NRXN3: variants seen among roughly 807,000 people sequenced by gnomAD.
NRXN3 encodes neurexin III.
In NRXN3, 32 loss-of-function variants were observed where a neutral mutation model predicts 137.6. The observed-to-expected ratio is 0.23, with a 90% CI of 0.18 to 0.31. NRXN3 has a LOEUF of 0.31. NRXN3 is among the 10% of genes least tolerant of loss of function. NRXN3 has a pLI of 1.00. For synonymous variants in NRXN3, 798 were observed against 784.5 expected (o/e 1.02, Z -0.29); for missense variants, 1,574 against 2,062.5 (o/e 0.76, Z 4.59).
chr14:78,428,159 A>C (rs959864277), intron 4 of NRXN3, among the ~76,000 whole-genome samples: 1 of 152,268 alleles, frequency 6.6e-6, no homozygotes, highest in Non-Finnish European at 1.5e-5. Flanking sequence ...CATGTAGTTG[A>C]GACTTAAGAA....
At chr14:79,200,372 C>G (rs768064896) in intron 15 of NRXN3, among the ~76,000 whole-genome samples, 1 of 151,958 alleles carries the variant, frequency 6.6e-6, no homozygotes, top group Non-Finnish European at 1.5e-5. Flanking sequence ...GAGAGTATAC[C>G]GGGGAAGCAA....
At chr14:78,850,558 A>C (rs77120516) in intron 10 of NRXN3, among the ~76,000 whole-genome samples, 6,209 of 152,244 alleles carry the variant, frequency 0.041, 234 homozygotes, top group East Asian at 0.13. Context: ...GAATATTCTT[A>C]TTAAAACCAG....
intron 15 of NRXN3, among the ~76,000 whole-genome samples, chr14:79,113,599 A>C (rs757215988): frequency 3.3e-5 from 5 of 152,138 alleles, no homozygotes; most frequent in Middle Eastern, 6.8e-3. Context: ...TTCATTCTCT[A>C]CCTCTACTTC....
At chr14:79,800,289 G>C (rs1021120687) in intron 19 of NRXN3, among the ~76,000 whole-genome samples, 1 of 152,188 alleles carries the variant, frequency 6.6e-6, no homozygotes, top group Admixed American at 6.5e-5. Context: ...CTGGAGGAGC[G>C]TGGATGGTGG....
At chr14:79,250,130 AAGAT>A (rs1397161749) in intron 15 of NRXN3, among the ~76,000 whole-genome samples, 1 of 152,204 alleles carries the variant, frequency 6.6e-6, no homozygotes, top group Non-Finnish European at 1.5e-5. Flanking sequence ...TTTATTTTAA[AAGAT>A]AGAGGAATTC....
At chr14:78,553,468 G>C (rs2096711166) in intron 4 of NRXN3, among the ~76,000 whole-genome samples, 1 of 152,140 alleles carries the variant, frequency 6.6e-6, no homozygotes, top group Admixed American at 6.5e-5. Context: ...CCACACCTTA[G>C]CTTCCAAAGC....
intron 4 of NRXN3, among the ~76,000 whole-genome samples, chr14:78,404,262 T>G (rs568406713): frequency 6.6e-6 from 1 of 151,794 alleles, no homozygotes; most frequent in East Asian, 1.9e-4. Flanking sequence ...AGAAACAGGG[T>G]TGCATGTTGT....
At chr14:79,665,688 A>G (rs1653988746) in intron 17 of NRXN3, among the ~76,000 whole-genome samples, 1 of 152,160 alleles carries the variant, frequency 6.6e-6, no homozygotes, top group African/African-American at 2.4e-5. Context: ...TTGAGCCAAT[A>G]TAGAATCTAC....
intron 4 of NRXN3, among the ~76,000 whole-genome samples, chr14:78,563,449 T>C (rs2096806144): frequency 6.6e-6 from 1 of 152,234 alleles, no homozygotes; most frequent in Non-Finnish European, 1.5e-5. Flanking sequence ...GTTGTCCTTA[T>C]TCTGGTGTAT....
intron 19 of NRXN3, among the ~76,000 whole-genome samples, chr14:79,721,960 G>A (rs767475074): frequency 1.3e-5 from 2 of 152,074 alleles, no homozygotes; most frequent in African/African-American, 4.8e-5. Flanking sequence ...AGAGAGCTAA[G>A]TCATGTTTAG....
chr14:78,295,109 C>T (rs76491585), intron 3 of NRXN3, among the ~76,000 whole-genome samples: 2,307 of 152,310 alleles, frequency 0.015, 62 homozygotes, highest in African/African-American at 0.052. Context: ...ACTCTGCAAG[C>T]TCTGAGGACA....
At chr14:78,515,797 G>A (rs1016205348) in intron 4 of NRXN3, among the ~76,000 whole-genome samples, 3 of 152,040 alleles carry the variant, frequency 2.0e-5, no homozygotes, top group Non-Finnish European at 4.4e-5. Flanking sequence ...GAATGTGACT[G>A]GAAGGAACGG....
At chr14:79,282,515 C>T (rs2081444059) in intron 15 of NRXN3, among the ~76,000 whole-genome samples, 1 of 152,032 alleles carries the variant, frequency 6.6e-6, no homozygotes, top group Admixed American at 6.6e-5. Flanking sequence ...CTCTCTCTCT[C>T]ATAAAGGGGT....
At chr14:79,797,281 A>G (rs1435032574) in intron 19 of NRXN3, among the ~76,000 whole-genome samples, 3 of 152,190 alleles carry the variant, frequency 2.0e-5, no homozygotes, top group East Asian at 1.9e-4. Context: ...TAAGTTATGC[A>G]TGTAGTCATA....
intron 4 of NRXN3, among the ~76,000 whole-genome samples, chr14:78,456,728 T>C (rs1170501161): frequency 6.6e-6 from 1 of 152,066 alleles, no homozygotes; most frequent in Non-Finnish European, 1.5e-5. Flanking sequence ...GACTGGCTTA[T>C]CCCACAGGAT....
intron 15 of NRXN3, among the ~76,000 whole-genome samples, chr14:79,068,250 A>G (rs1220316927): frequency 6.6e-6 from 1 of 152,124 alleles, no homozygotes; most frequent in Non-Finnish European, 1.5e-5. Flanking sequence ...GAAGTGGTTT[A>G]TTATAAAAGA....
intron 15 of NRXN3, among the ~76,000 whole-genome samples, chr14:79,316,636 C>G (rs578223925): frequency 6.6e-6 from 1 of 151,978 alleles, no homozygotes; most frequent in African/African-American, 2.4e-5. Context: ...ACAACTTGCC[C>G]TGCATATTGA....
intron 8 of NRXN3, among the ~76,000 whole-genome samples, chr14:78,790,198 A>G (rs1010765749): frequency 2.6e-5 from 4 of 152,244 alleles, no homozygotes; most frequent in African/African-American, 7.2e-5. Context: ...ATTAGAAGGT[A>G]TACATTTATA....
intron 15 of NRXN3, among the ~76,000 whole-genome samples, chr14:79,199,216 C>G (rs1003933724): frequency 6.6e-6 from 1 of 150,638 alleles, no homozygotes; most frequent in African/African-American, 2.4e-5. Flanking sequence ...TTCTTATTTT[C>G]ACCTTTCCTT....
Sources: gnomAD v4.1 joint callset for allele counts (sites outside exome capture counted in the v4.1 genomes callset) on GRCh38, gnomAD v4.1.1 for gene constraint, MANE v1.5 for transcripts, NCBI Gene and HGNC (gene_info 2026-07-23, HGNC 2026-07-21) for gene names.